The following PPM1B variants were observed in gnomAD, a reference collection of about 807,000 sequenced individuals.
The protein encoded by PPM1B is protein phosphatase 1B.
A neutral mutation model predicts 43.0 loss-of-function variants in PPM1B; 22 were observed. That is an observed-to-expected ratio of 0.51 (90% CI 0.37 to 0.73). The LOEUF is 0.73. PPM1B is among the 30% of genes least tolerant of loss of function. The pLI is 0.00. For missense variants in PPM1B, 632 were observed against 584.2 expected, an observed-to-expected ratio of 1.08 and a Z score of -0.84; for synonymous variants, 217 against 197.9, an observed-to-expected ratio of 1.10 and a Z score of -0.81.
At chr2:44,180,745 G>T (rs1433172744) in intron 1 of PPM1B, among the ~76,000 whole-genome samples, 1 of 151,954 alleles carries the variant, frequency 6.6e-6, no homozygotes, top group African/African-American at 2.4e-5. Flanking sequence ...CGAGGAGCTA[G>T]GACTACAGGC....
chr2:44,226,932 T>A (rs980437718), intron 5 of PPM1B, among the ~76,000 whole-genome samples: 10 of 134,992 alleles, frequency 7.4e-5, no homozygotes, highest in Admixed American at 5.3e-4. Context: ...ATGGGAAACT[T>A]TTTATTTATT....
At chr2:44,241,901 C>T (rs534902221) in intron 5 of PPM1B, among the ~76,000 whole-genome samples, 72 of 125,204 alleles carry the variant, frequency 5.8e-4, no homozygotes, top group African/African-American at 2.1e-3. Context: ...CACTCTCGTC[C>T]AGGCTGGAGA....
At chr2:44,178,475 T>TATATATATATATATA (rs1491152402) in intron 1 of PPM1B, among the ~76,000 whole-genome samples, 1 of 23,928 alleles carries the variant, frequency 4.2e-5, no homozygotes, top group African/African-American at 1.1e-4. Context: ...TATATATATA[T>TATATATATATATATA]TTTTTTTTTT....
chr2:44,218,314 A>G (rs1240002407), intron 4 of PPM1B, among the ~76,000 whole-genome samples, 166 bp from the exon 5 acceptor site: 4 of 152,168 alleles, frequency 2.6e-5, no homozygotes, highest in African/African-American at 9.7e-5. Flanking sequence ...GTACAAATGG[A>G]TTGTGCAAAA....
chr2:44,229,842 T>C (rs1670390566), intron 5 of PPM1B: 8 of 755,968 alleles, frequency 1.1e-5, no homozygotes, highest in Non-Finnish European at 1.6e-5. Flanking sequence ...TTATTCATAC[T>C]GAGAATACTT....
At chr2:44,203,301 TTAAG>T (rs1487712216) in intron 2 of PPM1B, among the ~76,000 whole-genome samples, 1 of 152,098 alleles carries the variant, frequency 6.6e-6, no homozygotes, top group Non-Finnish European at 1.5e-5. Flanking sequence ...TCTGGATGAG[TTAAG>T]TAAAGAAGTA....
rs1667902208 is a variant in PPM1B, at chr2:44,182,091, T to C, written c.-15+12817T>C. The stretch of plus-strand genomic sequence containing the variant: ...TTGAGAAGCTTCTTCTTACGACTGA[T>C]AGTTGGCTAATTCTACCACACAGGA... On this transcript the variant is annotated intron_variant, in intron 1 of 5. Transcript: ENST00000282412. 2.0e-5 allele frequency among the ~76,000 whole-genome samples: 3 copies of C among 152,270 alleles called. No individual in the cohort carries two copies. The East Asian group carries it at 5.8e-4, about 29-fold the overall frequency.
At chr2:44,210,036 A>G (rs1055201218) in intron 3 of PPM1B, among the ~76,000 whole-genome samples, 2 of 152,068 alleles carry the variant, frequency 1.3e-5, no homozygotes, top group Non-Finnish European at 2.9e-5. Context: ...ATCCAGTGAA[A>G]TTTCCCCTAA....
intron 1 of PPM1B, among the ~76,000 whole-genome samples, chr2:44,177,418 C>CT (rs35330548): frequency 0.042 from 5,204 of 122,488 alleles, 424 homozygotes; most frequent in African/African-American, 0.14. Flanking sequence ...GTGAAATAAC[C>CT]TTTTTTTTTT....
chr2:44,230,230 A>C (rs1670408352), intron 5 of PPM1B, 183 bp from the exon 6 acceptor site: 27 of 1,416,948 alleles, frequency 1.9e-5, no homozygotes, highest in Non-Finnish European at 2.5e-5. Context: ...AAATGACTTG[A>C]GATTATTATT....
At chr2:44,217,738 A>G in intron 3 of PPM1B, 1 of 290,138 alleles carries the variant, frequency 3.4e-6, no homozygotes. Context: ...TAATGCTGGA[A>G]TGAACATACA....
At chr2:44,242,020 G>A (rs565551827) in intron 5 of PPM1B, among the ~76,000 whole-genome samples, 4 of 151,804 alleles carry the variant, frequency 2.6e-5, no homozygotes, top group African/African-American at 9.7e-5. Flanking sequence ...CACCACGCCC[G>A]GCTAATTTTT....
chr2:44,234,769 A>C (rs1670567443), downstream of PPM1B: 1 of 209,550 alleles, frequency 4.8e-6, no homozygotes, highest in Non-Finnish European at 8.3e-6. Flanking sequence ...ATTAGAAATT[A>C]AAGCTGAGAA....
intron 5 of PPM1B, chr2:44,244,187 CAT>C (rs111878311): frequency 0.2 from 175,757 of 888,634 alleles, 14,031 homozygotes; most frequent in South Asian, 0.3. Flanking sequence ...AAAAAAAAAC[CAT>C]ATATATATAT....
At chr2:44,169,764 TC>T (rs1304600253) in intron 1 of PPM1B, among the ~76,000 whole-genome samples, 1 of 152,258 alleles carries the variant, frequency 6.6e-6, no homozygotes, top group Non-Finnish European at 1.5e-5. Flanking sequence ...GTCTATGCGT[TC>T]TACCCTCGCC....
downstream of PPM1B, chr2:44,234,156 G>A (rs1670545449): frequency 3.1e-6 from 3 of 976,722 alleles, no homozygotes; most frequent in Middle Eastern, 5.3e-4. Context: ...TTCCAAAGAG[G>A]AATTAACCAA....
At chr2:44,184,842 A>G (rs1195501351) in intron 1 of PPM1B, among the ~76,000 whole-genome samples, 1 of 151,772 alleles carries the variant, frequency 6.6e-6, no homozygotes, top group African/African-American at 2.4e-5. Context: ...AATGTAGTAT[A>G]GCAATACTTT....
intron 1 of PPM1B, among the ~76,000 whole-genome samples, chr2:44,194,689 C>G (rs1668573908): frequency 6.6e-6 from 1 of 151,526 alleles, no homozygotes; most frequent in South Asian, 2.1e-4. Context: ...CGCTACTGCA[C>G]TCCAGCCTGG....
intron 2 of PPM1B, among the ~76,000 whole-genome samples, chr2:44,202,491 C>A (rs543080255): frequency 2.3e-4 from 35 of 152,226 alleles, no homozygotes; most frequent in African/African-American, 8.2e-4. Context: ...CCTGAGCCTC[C>A]TAGCAGTGAA....
Sources: allele counts gnomAD v4.1 joint callset (sites outside exome capture counted in the v4.1 genomes callset), GRCh38; gene constraint gnomAD v4.1.1; transcripts MANE v1.5; gene names NCBI Gene and HGNC (gene_info 2026-07-23, HGNC 2026-07-21).